Variants in GPC5 observed in about 807,000 individuals in gnomAD.
GPC5 encodes glypican 5, also known as glypican-5.
Under a neutral mutation model 53.9 loss-of-function variants are expected in GPC5, and 47 were observed. That is an observed-to-expected ratio of 0.87 (90% CI 0.69 to 1.11). The LOEUF (loss-of-function observed/expected upper bound fraction) is 1.11, where lower values mean the gene tolerates loss of function less well. Among genes scored for constraint, GPC5 ranks in the 50% most tolerant of loss-of-function variants. The pLI is 0.00. For missense variants in GPC5, 748 were observed against 713.1 expected (o/e 1.05, Z -0.56); for synonymous variants, 286 against 263.3 (o/e 1.09, Z -0.84).
At chr13:91,813,885 A>AAG (rs2038354914) in intron 5 of GPC5, among the ~76,000 whole-genome samples, 1 of 150,262 alleles carries the variant, frequency 6.7e-6, no homozygotes, top group South Asian at 2.1e-4. Context: ...TGGTTTTGAT[A>AAG]AGATAATATT....
intron 6 of GPC5, among the ~76,000 whole-genome samples, chr13:92,107,713 C>T (rs2041520964): frequency 6.6e-6 from 1 of 152,062 alleles, no homozygotes; most frequent in South Asian, 2.1e-4. Context: ...CAGTGTACCC[C>T]ATATATGTGA....
At chr13:91,794,458 C>G (rs753128257) in intron 5 of GPC5, among the ~76,000 whole-genome samples, 1 of 152,208 alleles carries the variant, frequency 6.6e-6, no homozygotes, top group Non-Finnish European at 1.5e-5. Flanking sequence ...GGGACAGGCT[C>G]TGGATCACCA....
At chr13:91,435,909 G>A (rs1879902374) in intron 1 of GPC5, among the ~76,000 whole-genome samples, 1 of 152,162 alleles carries the variant, frequency 6.6e-6, no homozygotes, top group Non-Finnish European at 1.5e-5. Flanking sequence ...TCCTGGTTTA[G>A]TCTTGGGAGG....
chr13:91,782,908 A>G (rs552777845), intron 5 of GPC5, among the ~76,000 whole-genome samples: 12 of 151,850 alleles, frequency 7.9e-5, no homozygotes, highest in Non-Finnish European at 1.5e-4. Flanking sequence ...TAAAATCAGT[A>G]AAAGTTAATA....
At chr13:92,642,384 C>T (rs867584971) in intron 7 of GPC5, among the ~76,000 whole-genome samples, 4 of 152,184 alleles carry the variant, frequency 2.6e-5, no homozygotes, top group Non-Finnish European at 5.9e-5. Flanking sequence ...CTCCTCTTGG[C>T]GGTCTTTGGG....
intron 7 of GPC5, among the ~76,000 whole-genome samples, chr13:92,832,136 G>A (rs1878065609): frequency 6.6e-6 from 1 of 151,904 alleles, no homozygotes; most frequent in Non-Finnish European, 1.5e-5. Context: ...TTTTAATGAT[G>A]GTCTAGATAA....
chr13:92,681,888 G>C (rs1887122042), intron 7 of GPC5, among the ~76,000 whole-genome samples: 1 of 152,102 alleles, frequency 6.6e-6, no homozygotes, highest in South Asian at 2.1e-4. Flanking sequence ...GACCTTCTTA[G>C]GACAAATTGA....
At chr13:91,436,246 T>G (rs1005139037) in intron 1 of GPC5, among the ~76,000 whole-genome samples, 1 of 152,134 alleles carries the variant, frequency 6.6e-6, no homozygotes, top group Non-Finnish European at 1.5e-5. Flanking sequence ...ATGTGTTTGC[T>G]CTTGCTTCTC....
At chr13:92,573,616 C>A (rs1883102067) in intron 7 of GPC5, among the ~76,000 whole-genome samples, 1 of 151,966 alleles carries the variant, frequency 6.6e-6, no homozygotes, top group Non-Finnish European at 1.5e-5. Context: ...CGGTAGAGGG[C>A]GATATAGTGA....
At chr13:92,807,791 G>A (rs925939347) in intron 7 of GPC5, among the ~76,000 whole-genome samples, 13 of 152,026 alleles carry the variant, frequency 8.6e-5, no homozygotes, top group African/African-American at 1.7e-4. Context: ...GACACAGTGC[G>A]ACTGACACGC....
intron 6 of GPC5, among the ~76,000 whole-genome samples, chr13:92,037,666 G>A (rs2040904595): frequency 6.6e-6 from 1 of 152,128 alleles, no homozygotes; most frequent in African/African-American, 2.4e-5. Flanking sequence ...TAATAAATAT[G>A]AATTCAGTAA....
intron 7 of GPC5, among the ~76,000 whole-genome samples, chr13:92,657,668 C>T (rs1201559069): frequency 6.8e-6 from 1 of 147,954 alleles, no homozygotes; most frequent in African/African-American, 2.5e-5. Context: ...TTTTAAAGGC[C>T]ACCCTTTCAG....
intron 5 of GPC5, among the ~76,000 whole-genome samples, chr13:91,898,162 G>A (rs2039462954): frequency 2.6e-5 from 4 of 152,176 alleles, no homozygotes; most frequent in Admixed American, 2.0e-4. Context: ...TTTCAACAAA[G>A]CATCCTATAA....
intron 4 of GPC5, among the ~76,000 whole-genome samples, chr13:91,747,676 G>A (rs1039106180): frequency 5.3e-5 from 8 of 151,586 alleles, no homozygotes; most frequent in Admixed American, 5.3e-4. Context: ...CTACTAATGA[G>A]TGTGTTTTTA....
At chr13:91,641,283 G>C (rs980822765) in intron 2 of GPC5, among the ~76,000 whole-genome samples, 22 of 152,176 alleles carry the variant, frequency 1.4e-4, no homozygotes, top group Non-Finnish European at 2.8e-4. Flanking sequence ...AGCCAAGATA[G>C]CGCCACTGCA....
At chr13:92,027,499 A>G (rs2138800680) in intron 6 of GPC5, among the ~76,000 whole-genome samples, 1 of 152,296 alleles carries the variant, frequency 6.6e-6, no homozygotes, top group East Asian at 1.9e-4. Flanking sequence ...TTAAGTGAGG[A>G]CATTCTGTTC....
At chr13:92,650,895 ACCCAT>A in intron 7 of GPC5, among the ~76,000 whole-genome samples, 1 of 152,012 alleles carries the variant, frequency 6.6e-6, no homozygotes, top group East Asian at 1.9e-4. Flanking sequence ...GCATCTATTA[ACCCAT>A]CCTCTAAGTT....
chr13:92,500,990 C>T (rs1416524034), intron 7 of GPC5, among the ~76,000 whole-genome samples: 1 of 151,832 alleles, frequency 6.6e-6, no homozygotes, highest in African/African-American at 2.4e-5. Context: ...ATCTATAAAA[C>T]AAAAGTGGAG....
At chr13:92,613,153 AATG>A (rs1331216576) in intron 7 of GPC5, among the ~76,000 whole-genome samples, 1 of 147,538 alleles carries the variant, frequency 6.8e-6, no homozygotes, top group African/African-American at 2.5e-5. Context: ...TTAGGTTTGC[AATG>A]ATAAGGAAAA....
Sources: allele counts gnomAD v4.1 joint callset (sites outside exome capture counted in the v4.1 genomes callset), GRCh38; gene constraint gnomAD v4.1.1; transcripts MANE v1.5; gene names NCBI Gene and HGNC (gene_info 2026-07-23, HGNC 2026-07-21).